Variants in GCC2 observed in about 807,000 individuals in gnomAD.
The protein encoded by GCC2 is GRIP and coiled-coil domain-containing protein 2.
In GCC2, 120 loss-of-function variants were observed where a neutral mutation model predicts 210.6. That is an observed-to-expected ratio of 0.57 (90% CI 0.49 to 0.66). The LOEUF (loss-of-function observed/expected upper bound fraction) is 0.66, where lower values mean the gene tolerates loss of function less well. Among genes scored for constraint, GCC2 ranks in the 30% least tolerant of loss-of-function variants. The pLI is 0.00. For missense variants in GCC2, 1,868 were observed against 1,871.9 expected (o/e 1.00, Z 0.04); for synonymous variants, 703 against 652.7 (o/e 1.08, Z -1.17).
chr2:108,470,374 A>G lies in GCC2; in HGVS notation c.1045A>G (p.Ser349Gly), dbSNP rs1681130151. ...DTLKELESQH[S>G]ILKDEVTYMN... ...CTTAAAAGAACTTGAATCTCAACAC[A>G]GTATCTTAAAAGATGAGGTAACTTA... The change falls in exon 6 of 23, where the codon AGT becomes GGT. Residue 349 changes from serine (S) to glycine (G), a missense_variant. Physicochemically the swap from Ser to Gly is moderately conservative, Grantham distance 56. Coordinates refer to ENST00000309863, the MANE Select transcript of GCC2 (RefSeq NM_181453.4). 1.2e-6 allele frequency: 2 copies of G among 1,606,378 alleles called. No homozygotes were observed. The highest frequency in any genetic ancestry group is 1.3e-5 in the African/African-American group (1 of 74,720).
At chr2:108,484,514 G>A (rs2104481544) in intron 13 of GCC2, 1 of 312,470 alleles carries the variant, frequency 3.2e-6, no homozygotes, top group South Asian at 6.2e-5. Context: ...GTCCTGAATG[G>A]TAATGCCTAG....
rs1161025040 is a variant in GCC2, at chr2:108,482,288, G to A, written c.3182G>A (p.Cys1061Tyr). Residue 1061 changes from cysteine (C) to tyrosine (Y), a missense_variant and splice_region_variant, in exon 11 of 23, where the codon TGT becomes TAT. Physicochemically the swap from Cys to Tyr is radical, Grantham distance 194. Around this residue, in one of 3 missense-constraint regions of GCC2, gnomAD observed 1,847 missense variants for 1,765.2 expected, o/e 1.05. Coordinates refer to ENST00000309863, the MANE Select transcript of GCC2 (RefSeq NM_181453.4). ...TRQLRNSTLQ[C>Y]ETINSDNEDL... ...GTAATGAATCATTTGTCATTTCAGT[G>A]TGAAACAATAAATTCTGATAATGAA... 8.3e-6 allele frequency: 13 copies of A among 1,561,304 alleles called. No homozygotes were observed. Among genetic ancestry groups the A allele is most frequent in the South Asian group, 1.2e-5 (1 of 85,152 alleles).
At position 108,482,918 on chromosome 2, in the gene GCC2, G is replaced by A. The variant is rs1175017689; in HGVS notation, c.3346-144G>A. The A allele has an allele frequency of 8.5e-6, 5 of 590,628 alleles. No homozygotes were observed. The East Asian group carries it at 1.6e-4, about 19-fold the overall frequency. The allele number at this position is 590,628 out of a possible 1,614,324, so 36.6% of individuals were successfully genotyped here. ...GATGGTCTCAATCTCCTGACCTTGT[G>A]ATCCACCCGCCTCGGCCTCCCAAAG... On this transcript the variant is annotated intron_variant, in intron 11 of 22. Coordinates refer to ENST00000309863, the MANE Select transcript of GCC2 (RefSeq NM_181453.4).
chr2:108,472,529 G>T (rs915785242), intron 6 of GCC2, among the ~76,000 whole-genome samples: 1 of 151,714 alleles, frequency 6.6e-6, no homozygotes, highest in Non-Finnish European at 1.5e-5. Context: ...AAAAATTAAA[G>T]ATTAAAAATC....
intron 4 of GCC2, among the ~76,000 whole-genome samples, chr2:108,467,604 G>A (rs1680972901): frequency 6.6e-6 from 1 of 151,932 alleles, no homozygotes; most frequent in Non-Finnish European, 1.5e-5. Flanking sequence ...GCCACCTCCT[G>A]TCTTTTTAAA....
In GCC2 at chr2:108,471,067, AC is replaced by A; in HGVS notation, c.1740del (p.Met581CysfsTer2). ...VYLLSLSQRDTMLKELEGKIN... is the reference protein window; with the variant it reads ...VYLLSLSQRDXMLKELEGKIN... The stretch of plus-strand genomic sequence containing the variant: ...CTTACTTAGTCTCAGTCAAAGAGAT[AC>A]CATGTTAAAAGAATTAGAAGGAAAG... On this transcript the variant is annotated frameshift_variant, in exon 6 of 23. Transcript: ENST00000309863. LOFTEE classifies it high-confidence loss of function. 1 of 1,583,582 alleles carries A rather than the reference AC, an allele frequency of 6.3e-7. No homozygotes were observed. Among genetic ancestry groups the A allele is most frequent in the Non-Finnish European group, 8.6e-7 (1 of 1,156,372 alleles).
At chr2:108,486,424 C>G in intron 15 of GCC2, 87 bp from the exon 16 acceptor site, 1 of 1,322,986 alleles carries the variant, frequency 7.6e-7, no homozygotes, top group South Asian at 1.2e-5. Flanking sequence ...ACTTATGTCT[C>G]AAACCTAAAG....
At chr2:108,451,665 C>T (rs1412287477) in intron 3 of GCC2, among the ~76,000 whole-genome samples, 1 of 151,824 alleles carries the variant, frequency 6.6e-6, no homozygotes, top group Non-Finnish European at 1.5e-5. Context: ...TAAATATTAA[C>T]TGCTTAGCCT....
chr2:108,472,953 T>C, intron 7 of GCC2, 54 bp downstream of exon 7: 3 of 980,518 alleles, frequency 3.1e-6, no homozygotes, highest in Middle Eastern at 2.5e-4. Flanking sequence ...TTCTTCTTAG[T>C]GTTAGAATAG....
chr2:108,486,739 G>C (rs1203605706), intron 16 of GCC2, 91 bp downstream of exon 16: 1 of 1,208,346 alleles, frequency 8.3e-7, no homozygotes, highest in African/African-American at 1.5e-5. Flanking sequence ...TGCCTTTTTA[G>C]TATTTTCCTG....
intron 11 of GCC2, among the ~76,000 whole-genome samples, chr2:108,482,664 G>C (rs1429121450): frequency 6.6e-6 from 1 of 152,022 alleles, no homozygotes; most frequent in Non-Finnish European, 1.5e-5. Context: ...TTGTATTTTA[G>C]CGTGTCAGAT....
rs1242173002 is a variant in GCC2, at chr2:108,451,109, A to G, written c.145A>G (p.Thr49Ala). Residue 49 changes from threonine to alanine, a missense_variant, in exon 3 of 23, where the codon ACA becomes GCA. Thr to Ala is a moderately conservative substitution (Grantham distance 58). Around this residue, in one of 3 missense-constraint regions of GCC2, gnomAD observed 1,847 missense variants for 1,765.2 expected, o/e 1.05. Transcript: ENST00000309863. ...MLIQKAKSRC[T>A]ELEKEIEELR... ...AATACAGAAAGCTAAATCAAGGTGT[A>G]CAGGTATTGGGTTGAAAATACTCAT... 3 of 1,587,532 alleles carry G rather than the reference A, an allele frequency of 1.9e-6. No homozygotes were observed. The highest frequency in any genetic ancestry group is 1.7e-6 in the Non-Finnish European group (2 of 1,156,230).
intron 9 of GCC2, among the ~76,000 whole-genome samples, chr2:108,478,803 G>C (rs945474179): frequency 1.3e-5 from 2 of 152,172 alleles, no homozygotes; most frequent in African/African-American, 2.4e-5. Context: ...AAATATCTCT[G>C]ATTTCTAGAG....
In GCC2 at chr2:108,462,984, G is replaced by A. The variant is rs865841438; in HGVS notation, c.217-5996G>A. 5.9e-5 allele frequency among the ~76,000 whole-genome samples: 9 copies of A among 151,758 alleles called. No individual in the cohort carries two copies. The South Asian group carries it at 6.2e-4, about 11-fold the overall frequency. On this transcript the variant is annotated intron_variant, in intron 4 of 22. Coordinates refer to ENST00000309863, the MANE Select transcript of GCC2 (RefSeq NM_181453.4). ...TTGCTTGATCTAGTCCATTGTTGAA[G>A]CTTTTGAATGTATTTTGTTTTTTAT...
At chr2:108,485,501 T>A in intron 13 of GCC2, 135 bp from the exon 14 acceptor site, 1 of 554,900 alleles carries the variant, frequency 1.8e-6, no homozygotes, top group East Asian at 3.0e-5. Flanking sequence ...CTGTCACATA[T>A]GTTTGAAGTA....
chr2:108,460,753 A>T (rs1368111026), intron 4 of GCC2, among the ~76,000 whole-genome samples: 2 of 152,166 alleles, frequency 1.3e-5, no homozygotes, highest in Non-Finnish European at 2.9e-5. Flanking sequence ...CCCAAATTTC[A>T]TGTCAAATTG....
At chr2:108,455,006 GT>G (rs1396185485) in intron 4 of GCC2, among the ~76,000 whole-genome samples, 1 of 151,590 alleles carries the variant, frequency 6.6e-6, no homozygotes, top group African/African-American at 2.4e-5. Flanking sequence ...ACTCTAGAAA[GT>G]TTTTTATCCA....
In GCC2 at chr2:108,475,818, A is replaced by G; in HGVS notation, c.3028A>G (p.Arg1010Gly). The change falls in exon 9 of 23, where the codon AGA becomes GGA. Residue 1010 changes from arginine (R) to glycine (G), a missense_variant. By Grantham distance (125) the Arg-to-Gly change is moderately radical. This residue lies in a region of GCC2 where 1,847 missense variants were observed against 1,765.2 expected (regional missense o/e 1.05). Transcript: ENST00000309863. ...AAAGGACCAGTTATCTGCTTCCATG[A>G]GAGATCTCATTCAAGGAGCAGAAAG... The part of the protein sequence containing the change: ...SEKDQLSASM[R>G]DLIQGAESYK... The G allele has an allele frequency of 6.3e-7, 1 of 1,595,878 alleles. No homozygotes were observed. Among genetic ancestry groups the G allele is most frequent in the Non-Finnish European group, 8.5e-7 (1 of 1,170,508 alleles).
At chr2:108,451,841 C>CTT (rs367697586) in intron 3 of GCC2, among the ~76,000 whole-genome samples, 3,600 of 124,884 alleles carry the variant, frequency 0.029, 73 homozygotes, top group African/African-American at 0.035. Flanking sequence ...CTCTCTCTCT[C>CTT]TTTTTTTTTT....
Sources: allele counts gnomAD v4.1 joint callset (sites outside exome capture counted in the v4.1 genomes callset), GRCh38; gene constraint gnomAD v4.1.1; regional missense constraint gnomAD v4.1.1; transcripts MANE v1.5; gene names NCBI Gene and HGNC (gene_info 2026-07-23, HGNC 2026-07-21).